THTPA: variants seen among roughly 807,000 people sequenced by gnomAD.
The protein encoded by THTPA is thiamine-triphosphatase.
THTPA carries 16 observed loss-of-function variants against 16.5 expected under a neutral mutation model. The ratio of observed to expected loss-of-function variants is 0.97; its 90% CI spans 0.66 to 1.47. The LOEUF (loss-of-function observed/expected upper bound fraction) is 1.47, where lower values mean the gene tolerates loss of function less well. Among genes scored for constraint, THTPA ranks in the 40% most tolerant of loss-of-function variants. The pLI is 0.00. For synonymous variants in THTPA, 110 were observed against 115.5 expected (o/e 0.95, Z 0.30); for missense variants, 281 against 280.9 (o/e 1.00, Z 0.00).
At chr14:23,534,974 C>T in the THTPA span, 1 of 1,536,190 alleles carries the variant, frequency 6.5e-7, no homozygotes, top group South Asian at 1.2e-5. This position sits in a 1 kb window ranked among gnomAD's most constrained non-coding sequence, Gnocchi z 4.5. Context: ...TCACCTCCAG[C>T]TGTGAAGAAT....
At position 23,557,283 on chromosome 14, in the gene THTPA, C is replaced by T. The variant is rs1025216427; in HGVS notation, c.526C>T (p.His176Tyr). The T allele has an allele frequency of 6.9e-6, 11 of 1,604,554 alleles. No homozygotes were observed. The Admixed American group carries it at 1.5e-4, about 22-fold the overall frequency. Residue 176 changes from histidine (H) to tyrosine (Y), a missense_variant, in exon 1 of 2, where the codon CAC becomes TAC. His to Tyr is a moderately conservative substitution (Grantham distance 83). Coordinates refer to ENST00000288014, the MANE Select transcript of THTPA (RefSeq NM_024328.6). ...AGTACCAACTGCCCTAGAGAAGATC[C>T]ACAGGCTCAGCAGCATGCTTGGTGA... ...AEVPTALEKI[H>Y]RLSSMLGVPA...
At chr14:23,530,893 C>T in the THTPA span, 1 of 218,788 alleles carries the variant, frequency 4.6e-6, no homozygotes, top group Admixed American at 5.4e-5. Context: ...CCTCTGGCAG[C>T]CCCTTGCAGG....
chr14:23,559,828 C>T lies in THTPA; in HGVS notation c.*988C>T, dbSNP rs74849041. On this transcript the variant is annotated 3_prime_UTR_variant, in exon 2 of 2. Coordinates refer to ENST00000288014, the MANE Select transcript of THTPA (RefSeq NM_024328.6). ...CTGGTGAAAGTGGTCGTAGGTGAGGCGCAGCTTTAGCCGCAGGGGGGCCTA... is the reference window on the plus strand; with the variant it reads ...CTGGTGAAAGTGGTCGTAGGTGAGGTGCAGCTTTAGCCGCAGGGGGGCCTA... 3.4e-3 allele frequency: 5,476 copies of T among 1,614,086 alleles called. 110 individuals carry two copies. The East Asian group carries it at 0.052, about 15-fold the overall frequency.
the THTPA span, among the ~76,000 whole-genome samples, chr14:23,518,200 G>A: frequency 6.6e-6 from 1 of 152,126 alleles, no homozygotes; most frequent in Non-Finnish European, 1.5e-5. The surrounding 1 kb of genome is among the most constrained non-coding windows in gnomAD (Gnocchi z 4.5). Context: ...TATATATGGA[G>A]CTCTATATTT....
At chr14:23,512,043 C>T in the THTPA span, among the ~76,000 whole-genome samples, 2 of 152,160 alleles carry the variant, frequency 1.3e-5, no homozygotes, top group Non-Finnish European at 2.9e-5. Context: ...CTCCTTCCTC[C>T]TCCCCCATCC....
chr14:23,519,868 A>G, the THTPA span, among the ~76,000 whole-genome samples: 1 of 152,188 alleles, frequency 6.6e-6, no homozygotes, highest in Non-Finnish European at 1.5e-5. Flanking sequence ...TGAAATGGAT[A>G]ATGATAGAGC....
chr14:23,531,297 G>T, the THTPA span: 1 of 878,406 alleles, frequency 1.1e-6, no homozygotes, highest in Non-Finnish European at 1.5e-6. Flanking sequence ...TCCACTCAAG[G>T]TAGCCTCCAC....
chr14:23,516,169 T>G, the THTPA span, among the ~76,000 whole-genome samples: 5 of 152,128 alleles, frequency 3.3e-5, no homozygotes, highest in Non-Finnish European at 7.3e-5. Context: ...GTTCAGTTGG[T>G]CTTAGGTGTG....
chr14:23,514,939 G>A, the THTPA span, among the ~76,000 whole-genome samples: 3 of 152,062 alleles, frequency 2.0e-5, no homozygotes, highest in Admixed American at 6.6e-5. Context: ...TTGCCCCCAC[G>A]AAAGGGATTT....
chr14:23,527,626 C>T, the THTPA span: 4 of 1,536,620 alleles, frequency 2.6e-6, no homozygotes, highest in African/African-American at 1.4e-5. Flanking sequence ...CTTCTCAACG[C>T]ACTCGGGCAC....
chr14:23,527,365 G>A, the THTPA span, among the ~76,000 whole-genome samples: 1 of 152,128 alleles, frequency 6.6e-6, no homozygotes, highest in African/African-American at 2.4e-5. Flanking sequence ...TCAAATCCAT[G>A]AAATGCTGCT....
the THTPA span, among the ~76,000 whole-genome samples, chr14:23,517,620 C>T: frequency 6.6e-6 from 1 of 152,150 alleles, no homozygotes; most frequent in Non-Finnish European, 1.5e-5. Context: ...CAAAAGTTTC[C>T]TCCTAATTTG....
At chr14:23,524,592 G>A in the THTPA span, 4 of 1,536,052 alleles carry the variant, frequency 2.6e-6, no homozygotes, top group African/African-American at 5.5e-5. This position sits in a 1 kb window ranked among gnomAD's most constrained non-coding sequence, Gnocchi z 5.6. Context: ...TGACTGGTCA[G>A]GAGGTCCTGG....
the THTPA span, chr14:23,533,318 C>T: frequency 2.9e-5 from 42 of 1,438,146 alleles, no homozygotes; most frequent in African/African-American, 2.2e-4. This position sits in a 1 kb window ranked among gnomAD's most constrained non-coding sequence, Gnocchi z 4.8. Flanking sequence ...GGTGCTCCTA[C>T]GTGGTGGAAA....
the THTPA span, chr14:23,520,876 T>C: frequency 6.7e-6 from 1 of 149,620 alleles, no homozygotes; most frequent in Non-Finnish European, 1.5e-5. The surrounding 1 kb of genome is among the most constrained non-coding windows in gnomAD (Gnocchi z 8.7). Context: ...TTTTCTTCCT[T>C]TTTTTTTTTT....
chr14:23,526,052 T>C, the THTPA span: 1 of 1,536,390 alleles, frequency 6.5e-7, no homozygotes, highest in Non-Finnish European at 8.7e-7. Context: ...TGTCTCGCCT[T>C]CCTTGGGCTC....
At chr14:23,535,311 G>A in the THTPA span, 1 of 1,462,140 alleles carries the variant, frequency 6.8e-7, no homozygotes, top group East Asian at 2.5e-5. This position sits in a 1 kb window ranked among gnomAD's most constrained non-coding sequence, Gnocchi z 4.5. Flanking sequence ...TAGAGGCTGA[G>A]TTAAGGGTGG....
At chr14:23,520,683 A>G in the THTPA span, among the ~76,000 whole-genome samples, 1 of 151,716 alleles carries the variant, frequency 6.6e-6, no homozygotes, top group African/African-American at 2.4e-5. This position sits in a 1 kb window ranked among gnomAD's most constrained non-coding sequence, Gnocchi z 8.7. Context: ...GGCTGCGCAT[A>G]GCAGGGGAGG....
chr14:23,521,372 T>C, the THTPA span: 1 of 152,348 alleles, frequency 6.6e-6, no homozygotes, highest in Non-Finnish European at 1.5e-5. Flanking sequence ...GGGAGCCAAC[T>C]GAGCATTTGG....
Sources: gnomAD v4.1 joint callset for allele counts (sites outside exome capture counted in the v4.1 genomes callset) on GRCh38, gnomAD v4.1.1 for gene constraint, Gnocchi (gnomAD v3.1) non-coding constraint, MANE v1.5 for transcripts, NCBI Gene and HGNC (gene_info 2026-07-23, HGNC 2026-07-21) for gene names.